The following IL1RAPL2 variants were observed in gnomAD, a reference collection of about 807,000 sequenced individuals.
IL1RAPL2 encodes the protein X-linked interleukin-1 receptor accessory protein-like 2.
IL1RAPL2 carries 3 observed loss-of-function variants against 44.1 expected under a neutral mutation model. The observed-to-expected ratio is 0.07, with a 90% confidence interval of 0.03 to 0.18. The LOEUF (loss-of-function observed/expected upper bound fraction) is 0.18, where lower values mean the gene tolerates loss of function less well. IL1RAPL2 is among the 10% of genes least tolerant of loss of function. IL1RAPL2 has a pLI of 1.00. For missense variants in IL1RAPL2, 391 were observed against 496.4 expected (o/e 0.79, Z 2.02); for synonymous variants, 181 against 178.8 (o/e 1.01, Z -0.10).
intron 2 of IL1RAPL2, among the ~76,000 whole-genome samples, chrX:105,177,795 A>G (rs1222467172): frequency 3.6e-5 from 4 of 112,207 alleles, no homozygotes; most frequent in African/African-American, 1.3e-4. Flanking sequence ...GAAATATACT[A>G]GGATGAATCA....
intron 5 of IL1RAPL2, among the ~76,000 whole-genome samples, chrX:105,340,427 G>T (rs1285673532): frequency 8.9e-6 from 1 of 111,914 alleles, no homozygotes; most frequent in Admixed American, 9.5e-5. Context: ...TCTCCAGGCT[G>T]GTCTCCCTGC....
intron 2 of IL1RAPL2, among the ~76,000 whole-genome samples, chrX:104,992,590 C>T (rs1203310733): frequency 2.7e-5 from 3 of 111,014 alleles, no homozygotes; most frequent in Admixed American, 1.9e-4. Flanking sequence ...AGGAAGACAT[C>T]GGCCTCCCAC....
intron 4 of IL1RAPL2, among the ~76,000 whole-genome samples, chrX:105,243,583 ATG>A (rs781986783): frequency 0.11 from 10,513 of 94,884 alleles, 1,110 homozygotes; most frequent in African/African-American, 0.39. Flanking sequence ...ATATATATAT[ATG>A]TGTATATATA....
At chrX:104,644,802 C>A (rs764416674) in intron 1 of IL1RAPL2, among the ~76,000 whole-genome samples, 14 of 111,261 alleles carry the variant, frequency 1.3e-4, no homozygotes, top group Non-Finnish European at 1.9e-4. Flanking sequence ...TCTCTCTTTC[C>A]TATCACAGCT....
intron 5 of IL1RAPL2, among the ~76,000 whole-genome samples, chrX:105,299,710 C>T: frequency 8.9e-6 from 1 of 111,883 alleles, no homozygotes; most frequent in African/African-American, 3.2e-5. Flanking sequence ...CCTATAGGAA[C>T]AATGGGGTGC....
intron 2 of IL1RAPL2, among the ~76,000 whole-genome samples, chrX:105,060,671 TCTC>T (rs771125104): frequency 1.9e-5 from 2 of 106,082 alleles, no homozygotes; most frequent in Middle Eastern, 4.4e-3. Flanking sequence ...GGAAGTATTC[TCTC>T]CTCCTCTATT....
At chrX:105,121,765 G>A (rs2032927730) in intron 2 of IL1RAPL2, among the ~76,000 whole-genome samples, 1 of 110,898 alleles carries the variant, frequency 9.0e-6, no homozygotes, top group Admixed American at 9.6e-5. Context: ...CTTGTTATTC[G>A]ATCAAAGCAA....
intron 5 of IL1RAPL2, among the ~76,000 whole-genome samples, chrX:105,345,219 C>T (rs2035101587): frequency 9.0e-6 from 1 of 111,368 alleles, no homozygotes; most frequent in Admixed American, 9.6e-5. Context: ...TCATAATCAC[C>T]CTAGTTTAAA....
chrX:105,077,235 C>T (rs1231974522), intron 2 of IL1RAPL2, among the ~76,000 whole-genome samples: 2 of 111,482 alleles, frequency 1.8e-5, no homozygotes, highest in African/African-American at 6.5e-5. Flanking sequence ...TTAGGGCAGG[C>T]CTGGTGGTGC....
At chrX:105,636,639 A>G (rs1305194639) in intron 6 of IL1RAPL2, among the ~76,000 whole-genome samples, 1 of 111,483 alleles carries the variant, frequency 9.0e-6, no homozygotes, top group Non-Finnish European at 1.9e-5. Context: ...CACTGGGGAT[A>G]CAGAAATAAA....
chrX:104,807,606 C>A (rs1932931710), intron 2 of IL1RAPL2, among the ~76,000 whole-genome samples: 1 of 111,615 alleles, frequency 9.0e-6, no homozygotes, highest in Non-Finnish European at 1.9e-5. Context: ...CACAAGCCCA[C>A]CATCAGTCTC....
chrX:104,598,212 G>T (rs1452384299), intron 1 of IL1RAPL2, among the ~76,000 whole-genome samples: 2 of 111,933 alleles, frequency 1.8e-5, no homozygotes, highest in South Asian at 3.7e-4. Flanking sequence ...GACTTTTTTT[G>T]TGTGTGTTTT....
At chrX:105,151,070 A>G (rs747181653) in intron 2 of IL1RAPL2, among the ~76,000 whole-genome samples, 4 of 112,013 alleles carry the variant, frequency 3.6e-5, no homozygotes, top group Non-Finnish European at 5.6e-5. Context: ...TGTCTTGATA[A>G]AAAGTTGATC....
At chrX:105,077,296 C>G (rs1324040488) in intron 2 of IL1RAPL2, among the ~76,000 whole-genome samples, 1 of 111,405 alleles carries the variant, frequency 9.0e-6, no homozygotes, top group Non-Finnish European at 1.9e-5. Context: ...TTCTCCTTCA[C>G]TTATGAAGCT....
intron 5 of IL1RAPL2, among the ~76,000 whole-genome samples, chrX:105,410,273 A>G (rs1482414846): frequency 5.4e-5 from 6 of 110,495 alleles, no homozygotes; most frequent in Non-Finnish European, 7.6e-5. Flanking sequence ...ATATAAAGTC[A>G]TGAAGCAGAG....
chrX:104,922,948 A>G (rs1157789955), intron 2 of IL1RAPL2, among the ~76,000 whole-genome samples: 1 of 111,384 alleles, frequency 9.0e-6, no homozygotes, highest in African/African-American at 3.3e-5. Flanking sequence ...GATTAGATAC[A>G]TATATTTAAA....
chrX:104,643,716 T>G (rs778061236), intron 1 of IL1RAPL2, among the ~76,000 whole-genome samples: 1 of 111,445 alleles, frequency 9.0e-6, no homozygotes, highest in South Asian at 3.8e-4. Context: ...ACTTGCACTT[T>G]TCTTTTGCCT....
chrX:105,684,485 G>A (rs1035282397), intron 6 of IL1RAPL2, among the ~76,000 whole-genome samples: 13 of 112,460 alleles, frequency 1.2e-4, no homozygotes, highest in Non-Finnish European at 2.3e-4. Context: ...GGGGAGGGGC[G>A]TCTGCCGTTG....
intron 2 of IL1RAPL2, among the ~76,000 whole-genome samples, chrX:105,127,954 T>C (rs1421357930): frequency 9.0e-6 from 1 of 111,212 alleles, no homozygotes; most frequent in Non-Finnish European, 1.9e-5. Flanking sequence ...TCATTCCATT[T>C]AGAAATGTGG....
Sources: allele counts gnomAD v4.1 joint callset (sites outside exome capture counted in the v4.1 genomes callset), GRCh38; gene constraint gnomAD v4.1.1; transcripts MANE v1.5; gene names NCBI Gene and HGNC (gene_info 2026-07-23, HGNC 2026-07-21).